The following NHSL1 variants were observed in gnomAD, a reference collection of about 807,000 sequenced individuals.
The protein encoded by NHSL1 is NHS-like protein 1.
In NHSL1, 48 loss-of-function variants were observed where a neutral mutation model predicts 95.0. The ratio of observed to expected loss-of-function variants is 0.51; its 90% CI spans 0.40 to 0.64. NHSL1 has a LOEUF of 0.64. Ranked by LOEUF, NHSL1 falls within the 30% of genes least tolerant of loss-of-function variation. The pLI is 0.00. For synonymous variants in NHSL1, 783 were observed against 833.9 expected, an observed-to-expected ratio of 0.94 and a Z score of 1.05; for missense variants, 1,971 against 2,077.7, an observed-to-expected ratio of 0.95 and a Z score of 1.00.
chr6:138,503,527 ACCACC>A (rs1468778009), upstream of NHSL1, among the ~76,000 whole-genome samples: 10 of 152,218 alleles, frequency 6.6e-5, no homozygotes, highest in Non-Finnish European at 1.3e-4. Flanking sequence ...GTAATGGAAC[ACCACC>A]ACACCCATTT....
intron 1 of NHSL1, among the ~76,000 whole-genome samples, chr6:138,513,763 T>C (rs1461751310): frequency 6.6e-6 from 1 of 152,252 alleles, no homozygotes; most frequent in South Asian, 2.1e-4. Flanking sequence ...AGACCTCCCA[T>C]TGTTCACTTT....
At chr6:138,558,015 A>T (rs1244006867) in intron 1 of NHSL1, among the ~76,000 whole-genome samples, 1 of 152,236 alleles carries the variant, frequency 6.6e-6, no homozygotes, top group Admixed American at 6.5e-5. Flanking sequence ...TGTTATATGG[A>T]ACTACAAATA....
At chr6:138,672,907 C>T (rs1361806335) in intron 1 of NHSL1, among the ~76,000 whole-genome samples, 1 of 152,080 alleles carries the variant, frequency 6.6e-6, no homozygotes, top group Non-Finnish European at 1.5e-5. Flanking sequence ...GTCCCAGCTA[C>T]TCGGGCGGCT....
chr6:138,474,677 G>C (rs1017368254), intron 2 of NHSL1, among the ~76,000 whole-genome samples: 3 of 152,110 alleles, frequency 2.0e-5, no homozygotes, highest in African/African-American at 7.2e-5. Flanking sequence ...GTTGTGGTCT[G>C]GGCTGGCAAC....
upstream of NHSL1, among the ~76,000 whole-genome samples, chr6:138,504,273 G>A (rs916954819): frequency 5.9e-5 from 9 of 152,054 alleles, no homozygotes; most frequent in African/African-American, 1.7e-4. Context: ...GAGAGAGAAC[G>A]TATTCGCTGC....
At chr6:138,478,689 T>A (rs1779237877) in intron 2 of NHSL1, among the ~76,000 whole-genome samples, 1 of 152,196 alleles carries the variant, frequency 6.6e-6, no homozygotes, top group South Asian at 2.1e-4. Flanking sequence ...AGAAACAAGA[T>A]CCTAAATGTA....
At chr6:138,631,704 A>G (rs1429938895) in intron 1 of NHSL1, among the ~76,000 whole-genome samples, 1 of 152,086 alleles carries the variant, frequency 6.6e-6, no homozygotes, top group Non-Finnish European at 1.5e-5. Flanking sequence ...CTAAACAACC[A>G]GCAGCTATAC....
chr6:138,524,107 G>A (rs1330136849), intron 1 of NHSL1, among the ~76,000 whole-genome samples: 1 of 152,168 alleles, frequency 6.6e-6, no homozygotes, highest in Admixed American at 6.5e-5. Flanking sequence ...ATTCAAGCCA[G>A]GTCTGGGACC....
In NHSL1 at chr6:138,666,922, T is replaced by G. The variant is rs73774883; in HGVS notation, c.96+25554A>C. Among the ~76,000 whole-genome samples, 1,415 of 152,270 alleles carry G rather than the reference T, an allele frequency of 9.3e-3. 22 individuals are homozygous for G. Among genetic ancestry groups the G allele is most frequent in the African/African-American group, 0.03 (1,252 of 41,558 alleles). ...AGTACAGACTAAAAATATAAATATA[T>G]TCACGGATTCCAGATTCAATTTTTT... On this transcript the variant is annotated intron_variant, in intron 1 of 3. Transcript: ENST00000491526.
chr6:138,605,520 C>CAT (rs1182785311), intron 1 of NHSL1, among the ~76,000 whole-genome samples: 1 of 152,176 alleles, frequency 6.6e-6, no homozygotes, highest in African/African-American at 2.4e-5. Flanking sequence ...AACAGATTTT[C>CAT]ATCAGCTCAA....
At position 138,431,811 on chromosome 6, in the gene NHSL1, ACT is replaced by A. The variant is rs1330776687; in HGVS notation, c.2532_2533del (p.Arg844SerfsTer64). 6.4e-7 allele frequency: 1 copy of A among 1,551,182 alleles called. No homozygotes were observed. Among genetic ancestry groups the A allele is most frequent in the Non-Finnish European group, 8.7e-7 (1 of 1,146,902 alleles). On this transcript the variant is annotated frameshift_variant, in exon 6 of 8. Coordinates refer to ENST00000343505, the MANE Select transcript of NHSL1 (RefSeq NM_001144060.2). LOFTEE classifies it high-confidence loss of function. The surrounding 1 kb of genome is among the most constrained non-coding windows in gnomAD (Gnocchi z 4.0). ...GGAATACCCACTGGATGGAGAAATGACTCTGTGTGACTTCTCTGGTGACATGA... is the reference window on the plus strand; with the variant it reads ...GGAATACCCACTGGATGGAGAAATGACTGTGTGACTTCTCTGGTGACATGA...
intron 4 of NHSL1, among the ~76,000 whole-genome samples, chr6:138,444,200 TGTGG>T (rs1427674490): frequency 2.0e-5 from 3 of 152,146 alleles, no homozygotes; most frequent in African/African-American, 7.2e-5. Flanking sequence ...CTTGAAAGTC[TGTGG>T]GCATACTCTG....
intron 2 of NHSL1, among the ~76,000 whole-genome samples, chr6:138,480,104 G>A (rs891821747): frequency 2.6e-5 from 4 of 152,170 alleles, no homozygotes; most frequent in East Asian, 1.9e-4. Flanking sequence ...CTTAGATTGC[G>A]TGAGAAAGGC....
At chr6:138,456,103 C>A (rs1777595522) in intron 3 of NHSL1, among the ~76,000 whole-genome samples, 2 of 152,168 alleles carry the variant, frequency 1.3e-5, no homozygotes, top group African/African-American at 4.8e-5. Context: ...GTTAGGGTAA[C>A]TATGTAATTT....
At chr6:138,564,637 C>G (rs1783537905) in intron 1 of NHSL1, among the ~76,000 whole-genome samples, 2 of 147,010 alleles carry the variant, frequency 1.4e-5, no homozygotes, top group Non-Finnish European at 2.9e-5. Flanking sequence ...TTATTGAGCA[C>G]TTAGCCTTGG....
At chr6:138,459,333 T>A (rs1197526987) in intron 3 of NHSL1, among the ~76,000 whole-genome samples, 1 of 152,230 alleles carries the variant, frequency 6.6e-6, no homozygotes, top group Non-Finnish European at 1.5e-5. Flanking sequence ...TGTCCTTTTC[T>A]TATTAAATGT....
intron 1 of NHSL1, among the ~76,000 whole-genome samples, chr6:138,594,881 C>A (rs1263841201): frequency 6.6e-6 from 1 of 152,182 alleles, no homozygotes; most frequent in African/African-American, 2.4e-5. Context: ...AAGGAGTGCA[C>A]CACAAAATCG....
chr6:138,677,633 G>A (rs540288003), intron 1 of NHSL1, among the ~76,000 whole-genome samples: 157 of 152,244 alleles, frequency 1.0e-3, no homozygotes, highest in African/African-American at 3.6e-3. Flanking sequence ...GAAATTTAGT[G>A]TTGGCAGCTC....
chr6:138,640,906 C>T (rs1206608667), intron 1 of NHSL1, among the ~76,000 whole-genome samples: 1 of 152,204 alleles, frequency 6.6e-6, no homozygotes, highest in Non-Finnish European at 1.5e-5. Context: ...TCAACATACA[C>T]AAATTGTCAG....
Sources: gnomAD v4.1 joint callset for allele counts (sites outside exome capture counted in the v4.1 genomes callset) on GRCh38, gnomAD v4.1.1 for gene constraint, Gnocchi (gnomAD v3.1) non-coding constraint, MANE v1.5 for transcripts, NCBI Gene and HGNC (gene_info 2026-07-23, HGNC 2026-07-21) for gene names.